The following PLEKHG1 variants were observed in gnomAD, a reference collection of about 807,000 sequenced individuals.
PLEKHG1 encodes pleckstrin homology domain-containing family G member 1.
PLEKHG1 carries 44 observed loss-of-function variants against 100.8 expected under a neutral mutation model. The ratio of observed to expected loss-of-function variants is 0.44; its 90% CI spans 0.34 to 0.56. The LOEUF is 0.56. PLEKHG1 is among the 20% of genes least tolerant of loss of function. The probability of loss-of-function intolerance (pLI) is 0.01; values close to 1 mark genes in which losing one functional copy is unlikely to be tolerated. For missense variants in PLEKHG1, 1,545 were observed against 1,720.9 expected, an observed-to-expected ratio of 0.90 and a Z score of 1.81; for synonymous variants, 640 against 662.5, an observed-to-expected ratio of 0.97 and a Z score of 0.52.
intron 10 of PLEKHG1, among the ~76,000 whole-genome samples, chr6:150,817,800 G>C (rs1382958136): frequency 1.3e-5 from 2 of 151,960 alleles, no homozygotes; most frequent in Admixed American, 1.3e-4. Context: ...TTGTGATTGT[G>C]ATCTGCCCGC....
intron 14 of PLEKHG1, among the ~76,000 whole-genome samples, chr6:150,825,973 G>A (rs1776574071): frequency 6.6e-6 from 1 of 152,106 alleles, no homozygotes; most frequent in African/African-American, 2.4e-5. Context: ...GAGGTCAGGA[G>A]TTTGAGACCA....
chr6:150,650,058 CAAA>C lies in PLEKHG1; in HGVS notation c.-157-657_-157-655del, dbSNP rs11330738. Reference sequence around the variant, plus strand: ...TAAAGACGAGAGCAAAACTTTGTCTCAAAAAAAAAAAAAAAGAAAGAAAAAAAA... The same window carrying C: ...TAAAGACGAGAGCAAAACTTTGTCTCAAAAAAAAAAAAGAAAGAAAAAAAA... On this transcript the variant is annotated intron_variant, in intron 2 of 3. Coordinates refer to the PLEKHG1 transcript ENST00000367326. 5.1e-3 allele frequency among the ~76,000 whole-genome samples: 648 copies of C among 126,620 alleles called. 9 individuals are homozygous for C. Among genetic ancestry groups the C allele is most frequent in the African/African-American group, 0.017 (574 of 34,188 alleles). The allele number at this position is 126,620 out of a possible 152,430, so 83.1% of individuals were successfully genotyped here.
chr6:150,652,232 A>G (rs1255415161), intron 3 of PLEKHG1, among the ~76,000 whole-genome samples: 1 of 152,176 alleles, frequency 6.6e-6, no homozygotes, highest in African/African-American at 2.4e-5. Flanking sequence ...GGTCCAGGCA[A>G]TTATTTTACT....
exon 6 of PLEKHG1, chr6:150,800,725 G>T (rs1244173429): frequency 6.2e-7 from 1 of 1,613,636 alleles, no homozygotes; most frequent in Non-Finnish European, 8.5e-7. Flanking sequence ...GCAGGTCCGT[G>T]GCTGTGCTAA....
chr6:150,686,106 G>T (rs1780120276), intron 3 of PLEKHG1, among the ~76,000 whole-genome samples: 1 of 152,236 alleles, frequency 6.6e-6, no homozygotes, highest in African/African-American at 2.4e-5. Context: ...GACCAGTAGG[G>T]GGCACACGGG....
chr6:150,624,635 G>A (rs946347468), intron 1 of PLEKHG1: 2 of 152,150 alleles, frequency 1.3e-5, no homozygotes, highest in African/African-American at 4.8e-5. Flanking sequence ...GGAATGAGAG[G>A]GACATTTGCT....
At chr6:150,673,434 T>C (rs1278205763) in intron 3 of PLEKHG1, among the ~76,000 whole-genome samples, 1 of 152,214 alleles carries the variant, frequency 6.6e-6, no homozygotes, top group African/African-American at 2.4e-5. Context: ...TTCATTTTCT[T>C]TGGCCTGTCT....
intron 7 of PLEKHG1, among the ~76,000 whole-genome samples, chr6:150,805,095 C>T (rs1786983668): frequency 1.3e-5 from 2 of 152,054 alleles, no homozygotes; most frequent in South Asian, 4.1e-4. Context: ...GCCACCACGG[C>T]CTGCCAATTT....
In PLEKHG1 at chr6:150,600,279, G is replaced by A. The variant is rs1776284480; in HGVS notation, c.-204+262G>A. ...GGGGCGCCGCGTCTCGGGGGTCGGA[G>A]TCGGGTCGGGGATGCTGCCCGCCGC... On this transcript the variant is annotated intron_variant, in intron 1 of 3. Transcript: ENST00000367326. This position sits in a 1 kb window ranked among gnomAD's most constrained non-coding sequence, Gnocchi z 6.2. Among the ~76,000 whole-genome samples the A allele has an allele frequency of 6.6e-6, 1 of 151,602 alleles. No homozygotes were observed. Among genetic ancestry groups the A allele is most frequent in the Non-Finnish European group, 1.5e-5 (1 of 67,770 alleles).
intron 10 of PLEKHG1, 46 bp from the exon 12 acceptor site, chr6:150,818,137 G>GA (rs575461940): frequency 1.2e-3 from 1,830 of 1,479,548 alleles, no homozygotes; most frequent in Non-Finnish European, 1.5e-3. Context: ...GGAGTTTAAA[G>GA]AAAAAAAAAG....
rs185259567 is a variant in PLEKHG1, at chr6:150,649,492, A to T, written c.-157-1236A>T. On this transcript the variant is annotated intron_variant, in intron 2 of 3. Coordinates refer to the PLEKHG1 transcript ENST00000367326. ...GAATATATTCGAGTAACTTTTCTTC[A>T]TGAAGATACCCAGCTGAGAAATTTC... Among the ~76,000 whole-genome samples, 3 of 152,332 alleles carry T rather than the reference A, an allele frequency of 2.0e-5. No homozygotes were observed. The East Asian group carries it at 5.8e-4, about 29-fold the overall frequency.
At chr6:150,639,883 A>G (rs1446825281) in intron 2 of PLEKHG1, among the ~76,000 whole-genome samples, 1 of 152,248 alleles carries the variant, frequency 6.6e-6, no homozygotes, top group Non-Finnish European at 1.5e-5. Context: ...TGATGCTGCC[A>G]TTAGACTAAT....
chr6:150,781,614 A>G (rs1366243776), intron 3 of PLEKHG1, among the ~76,000 whole-genome samples: 5 of 152,118 alleles, frequency 3.3e-5, no homozygotes, highest in Non-Finnish European at 7.4e-5. Context: ...TTTTTTTTAA[A>G]CGGGAAAAGA....
At position 150,780,432 on chromosome 6, in the gene PLEKHG1, C is replaced by T. The variant is rs79883785; in HGVS notation, c.513-5958C>T. Among the ~76,000 whole-genome samples the T allele has an allele frequency of 8.9e-3, 1,362 of 152,182 alleles. 6 individuals are homozygous for T. The highest frequency in any genetic ancestry group is 0.014 in the Middle Eastern group (4 of 294). ...CCTGGCCCTCTGGCTTTCATTTCCT[C>T]AGACCTTTTCTCTTACCTCATCTGG... On this transcript the variant is annotated intron_variant, in intron 3 of 15. Transcript: ENST00000358517.
At chr6:150,682,201 A>G (rs932315829) in intron 3 of PLEKHG1, among the ~76,000 whole-genome samples, 3 of 152,100 alleles carry the variant, frequency 2.0e-5, no homozygotes, top group Admixed American at 2.0e-4. Context: ...CTCCAGAAAG[A>G]GCCACTCACC....
chr6:150,648,241 T>C (rs142863705), intron 2 of PLEKHG1, among the ~76,000 whole-genome samples: 10 of 152,248 alleles, frequency 6.6e-5, no homozygotes, highest in Non-Finnish European at 1.3e-4. Context: ...ATTTCTTTTA[T>C]GGTATCTTTC....
At position 150,831,224 on chromosome 6, in the gene PLEKHG1, C is replaced by A. The variant is rs1461335072; in HGVS notation, c.2113C>A (p.Gln705Lys). Residue 705 changes from glutamine (Q) to lysine (K), a missense_variant, in exon 15 of 16, where the codon CAA (glutamine) becomes AAA (lysine). Coordinates refer to ENST00000358517, the Ensembl canonical transcript of PLEKHG1. The surrounding 1 kb of genome is among the most constrained non-coding windows in gnomAD (Gnocchi z 4.1). ...CCCAGAGTTAGCCTTCACAAAGAGG[C>A]AAGCTGGCCACAGTAAGGGCTCTCT... 19 of 1,614,044 alleles carry A rather than the reference C, an allele frequency of 1.2e-5. No homozygotes were observed. Among genetic ancestry groups the A allele is most frequent in the Non-Finnish European group, 1.6e-5 (19 of 1,180,036 alleles).
At chr6:150,809,912 A>G (rs1459066302) in intron 10 of PLEKHG1, among the ~76,000 whole-genome samples, 178 bp downstream of exon 11, 1 of 147,264 alleles carries the variant, frequency 6.8e-6, no homozygotes, top group Non-Finnish European at 1.5e-5. Context: ...AAAAGAGTTT[A>G]GAATTAGAAT....
At chr6:150,772,725 A>G (rs908143892) in intron 3 of PLEKHG1, among the ~76,000 whole-genome samples, 34 of 152,220 alleles carry the variant, frequency 2.2e-4, no homozygotes, top group African/African-American at 8.2e-4. Context: ...GCTCTAGTTC[A>G]TTTAACTGCT....
Sources: allele counts gnomAD v4.1 joint callset (sites outside exome capture counted in the v4.1 genomes callset), GRCh38; gene constraint gnomAD v4.1.1; non-coding constraint Gnocchi (gnomAD v3.1); transcripts MANE v1.5; gene names NCBI Gene and HGNC (gene_info 2026-07-23, HGNC 2026-07-21).